KMT2C: variants seen among roughly 807,000 people sequenced by gnomAD.
The protein encoded by KMT2C is lysine methyltransferase 2C.
Under a neutral mutation model 507.9 loss-of-function variants are expected in KMT2C, and 88 were observed. The ratio of observed to expected loss-of-function variants is 0.17; its 90% CI spans 0.15 to 0.21. The LOEUF is 0.21. Ranked by LOEUF, KMT2C falls within the 10% of genes least tolerant of loss-of-function variation. The pLI is 1.00. For synonymous variants in KMT2C, 2,049 were observed against 2,080.8 expected, an observed-to-expected ratio of 0.98 and a Z score of 0.42; for missense variants, 4,954 against 5,957.8, an observed-to-expected ratio of 0.83 and a Z score of 5.55.
intron 18 of KMT2C, among the ~76,000 whole-genome samples, chr7:152,226,219 CTTTTTTT>C (rs869076803): frequency 5.3e-5 from 5 of 94,958 alleles, no homozygotes; most frequent in African/African-American, 1.3e-4. Flanking sequence ...ATTACAAGGC[CTTTTTTT>C]TTTTTTTTTT....
rs1054601214 is a variant in KMT2C, at chr7:152,180,034, C to T, written c.7242G>A (p.Val2414=). 6.2e-7 allele frequency: 1 copy of T among 1,614,164 alleles called. No individual in the cohort carries two copies. Among genetic ancestry groups the T allele is most frequent in the East Asian group, 2.2e-5 (1 of 44,878 alleles). The change falls in exon 37 of 59, where the codon GTG becomes GTA. Residue 2414 remains valine, a synonymous_variant. Coordinates refer to ENST00000262189, the MANE Select transcript of KMT2C (RefSeq NM_170606.3). The part of the protein sequence containing the change: ...QEKGSQDSPA[V]PHPGPLQHWQ... ...AGTGTTGAAGAGGCCCTGGATGAGG[C>T]ACTGCGGGTGAGTCCTGTGACCCCT...
chr7:152,160,369 C>G (rs1453804634), intron 43 of KMT2C, among the ~76,000 whole-genome samples: 2 of 151,916 alleles, frequency 1.3e-5, no homozygotes, highest in Non-Finnish European at 2.9e-5. Flanking sequence ...GGGCTGGAGC[C>G]CAGCAATCTT....
Position 152,181,602 on chromosome 7 carries a change from A to G in KMT2C, c.6258T>C (p.Ser2086=), listed in dbSNP as rs767550155. Residue 2086 remains serine, a synonymous_variant, in exon 36 of 59, where the codon TCT becomes TCC. Coordinates refer to ENST00000262189, the MANE Select transcript of KMT2C (RefSeq NM_170606.3). ...TATATGGATCATTTGACTGATTATG[A>G]GAAAAATTATCTATAGGTCTTGGTG... The part of the protein sequence containing the change: ...ALTPRPIDNF[S]HNQSNDPYSQ... 6.2e-7 allele frequency: 1 copy of G among 1,614,050 alleles called. No homozygotes were observed. Among genetic ancestry groups the G allele is most frequent in the Admixed American group, 1.7e-5 (1 of 60,012 alleles).
At chr7:152,424,158 G>A (rs1052566790) in intron 1 of KMT2C, among the ~76,000 whole-genome samples, 2 of 151,964 alleles carry the variant, frequency 1.3e-5, no homozygotes, top group African/African-American at 2.4e-5. Flanking sequence ...CACCCAGGCT[G>A]GGTGGGGTGC....
At chr7:152,420,857 G>C (rs949944505) in intron 1 of KMT2C, among the ~76,000 whole-genome samples, 1 of 150,148 alleles carries the variant, frequency 6.7e-6, no homozygotes, top group Non-Finnish European at 1.5e-5. Context: ...CTAATATACA[G>C]AATCTGTAAG....
chr7:152,160,341 G>A (rs2092370735), intron 43 of KMT2C, among the ~76,000 whole-genome samples: 1 of 152,066 alleles, frequency 6.6e-6, no homozygotes, highest in Non-Finnish European at 1.5e-5. Flanking sequence ...ACCCAGACCT[G>A]CAGAATCAGA....
chr7:152,420,905 A>T (rs917234199), intron 1 of KMT2C, among the ~76,000 whole-genome samples: 6 of 152,020 alleles, frequency 3.9e-5, no homozygotes, highest in Admixed American at 6.6e-5. Context: ...GCATTAGGAG[A>T]TATACTTAAT....
intron 1 of KMT2C, among the ~76,000 whole-genome samples, chr7:152,431,549 C>T (rs1378214975): frequency 1.3e-5 from 2 of 150,034 alleles, no homozygotes; most frequent in Admixed American, 6.7e-5. Context: ...GAAGTTGCAG[C>T]GAGCCAAGAT....
intron 23 of KMT2C, among the ~76,000 whole-genome samples, chr7:152,215,676 A>AATATATATATATATATAT (rs1200314833): frequency 7.4e-6 from 1 of 134,510 alleles, no homozygotes; most frequent in African/African-American, 3.5e-5. Context: ...AAAGGAACAA[A>AATATATATATATATATAT]ATATATATAT....
chr7:152,335,006 G>A (rs1265938832), intron 2 of KMT2C, among the ~76,000 whole-genome samples: 1 of 152,078 alleles, frequency 6.6e-6, no homozygotes, highest in Non-Finnish European at 1.5e-5. Context: ...TGATCAGGCC[G>A]TGAAACACTG....
chr7:152,154,038 G>T lies in KMT2C; in HGVS notation c.12248C>A (p.Ala4083Glu). ...AGCAGCTGTAGGATGCAGAGTAATT[G>T]CTACAGATATAAGACCTGATCTGGG... is the stretch of plus-strand genomic sequence containing the variant. The part of the protein sequence containing the change: ...NGPRSGLISV[A>E]ITLHPTAAEN... The change falls in exon 48 of 59, where the codon GCA (alanine) becomes GAA (glutamate). Residue 4083 changes from alanine to glutamate, a missense_variant. Ala to Glu is a moderately radical substitution (Grantham distance 107). Transcript: ENST00000262189. 1 of 1,614,006 alleles carries T rather than the reference G, an allele frequency of 6.2e-7. No individual in the cohort carries two copies. The highest frequency in any genetic ancestry group is 8.5e-7 in the Non-Finnish European group (1 of 1,179,908).
intron 31 of KMT2C, 141 bp downstream of exon 31, chr7:152,193,868 A>C: frequency 1.7e-6 from 1 of 598,642 alleles, no homozygotes; most frequent in Non-Finnish European, 2.6e-6. Flanking sequence ...TTTTTCAATC[A>C]TTACAAAAGG....
Position 152,176,961 on chromosome 7 carries a change from G to T in KMT2C, c.8492C>A (p.Ser2831Tyr). Residue 2831 changes from serine (S) to tyrosine (Y), a missense_variant, in exon 38 of 59, where the codon TCT becomes TAT. By Grantham distance (144) the Ser-to-Tyr change is moderately radical (BLOSUM62 -2). Around this residue, in one of 29 missense-constraint regions of KMT2C, gnomAD observed 1,689 missense variants for 1,654.3 expected, o/e 1.02. Transcript: ENST00000262189. ...AGTTTCACATTTGGATTCCACCTTA[G>T]AATTTGGAGACAGTACTTCCGTTTT... ...EVKTEVLSPN[S>Y]KVESKCETEK... 6.2e-7 allele frequency: 1 copy of T among 1,614,100 alleles called. No homozygotes were observed. The highest frequency in any genetic ancestry group is 1.6e-4 in the Middle Eastern group (1 of 6,062).
In KMT2C at chr7:152,182,416, C is replaced by A. The variant is rs199626335; in HGVS notation, c.5444G>T (p.Gly1815Val). The change falls in exon 36 of 59, where the codon GGC (glycine) becomes GTC (valine). Residue 1815 changes from glycine to valine, a missense_variant. Coordinates refer to ENST00000262189, the MANE Select transcript of KMT2C (RefSeq NM_170606.3). Reference sequence around the variant, plus strand: ...CTGTGCAGGAGACATATTTCCATTGCCAGGCTGAGGTGTCAAGGGACTCTG... The same window carrying A: ...CTGTGCAGGAGACATATTTCCATTGACAGGCTGAGGTGTCAAGGGACTCTG... Reference protein sequence around the residue: ...GIQSPLTPQPGNGNMSPAQSF... With the variant: ...GIQSPLTPQPVNGNMSPAQSF... 1.5e-4 allele frequency: 236 copies of A among 1,613,494 alleles called. 2 individuals are homozygous for A. The highest frequency in any genetic ancestry group is 1.3e-5 in the African/African-American group (1 of 75,006).
intron 6 of KMT2C, among the ~76,000 whole-genome samples, chr7:152,308,673 CAAAAAAAAAAAAAAA>C (rs938826373): frequency 7.7e-4 from 19 of 24,558 alleles, no homozygotes; most frequent in Admixed American, 3.1e-3. Context: ...AAACTCCTCT[CAAAAAAAAAAAAAAA>C]AAAAAAAAAA....
chr7:152,347,852 C>A (rs2097074779), intron 2 of KMT2C, among the ~76,000 whole-genome samples: 1 of 151,962 alleles, frequency 6.6e-6, no homozygotes, highest in South Asian at 2.1e-4. Flanking sequence ...CGCATTTTTT[C>A]AAATTGTCAC....
Position 152,435,820 on chromosome 7 carries a change from C to T in KMT2C, c.-34G>A. 1.5e-6 allele frequency: 2 copies of T among 1,343,664 alleles called. No individual in the cohort carries two copies. The highest frequency in any genetic ancestry group is 9.6e-7 in the Non-Finnish European group (1 of 1,042,956). The allele number at this position is 1,343,664 out of a possible 1,614,324, so 83.2% of individuals were successfully genotyped here. On this transcript the variant is annotated 5_prime_UTR_variant, in exon 1 of 59. Coordinates refer to ENST00000262189, the MANE Select transcript of KMT2C (RefSeq NM_170606.3). ...CCAGGAAAGACACATGGATCCCGGT[C>T]CTCCTCCTGGGGGGCTCCCGCCGCC...
At chr7:152,203,334 A>AAATAAT (rs199559976) in intron 25 of KMT2C, among the ~76,000 whole-genome samples, 2 of 151,198 alleles carry the variant, frequency 1.3e-5, no homozygotes, top group African/African-American at 4.8e-5. Context: ...TTAAAGAGTA[A>AAATAAT]AATAATAATA....
chr7:152,326,279 G>T (rs188209897), intron 3 of KMT2C, among the ~76,000 whole-genome samples: 1 of 152,068 alleles, frequency 6.6e-6, no homozygotes, highest in East Asian at 1.9e-4. Flanking sequence ...AATTGGGAAA[G>T]AATATCTTTA....
Sources: gnomAD v4.1 joint callset for allele counts (sites outside exome capture counted in the v4.1 genomes callset) on GRCh38, gnomAD v4.1.1 for gene constraint, gnomAD v4.1.1 regional missense constraint, MANE v1.5 for transcripts, NCBI Gene and HGNC (gene_info 2026-07-23, HGNC 2026-07-21) for gene names.